The following NDE1 variants were observed in gnomAD, a reference collection of about 807,000 sequenced individuals.
NDE1 encodes nuclear distribution protein nudE homolog 1.
Under a neutral mutation model 43.4 loss-of-function variants are expected in NDE1, and 28 were observed. The ratio of observed to expected loss-of-function variants is 0.65; its 90% CI spans 0.48 to 0.89. NDE1 has a LOEUF of 0.89. Ranked by LOEUF, NDE1 falls within the 40% of genes least tolerant of loss-of-function variation. The pLI, the probability that NDE1 is intolerant of heterozygous loss-of-function variation, is 0.00. For missense variants in NDE1, 441 were observed against 434.1 expected, an observed-to-expected ratio of 1.02 and a Z score of -0.14; for synonymous variants, 184 against 172.0, an observed-to-expected ratio of 1.07 and a Z score of -0.55.
intron 8 of NDE1, among the ~76,000 whole-genome samples, chr16:15,710,520 AAAAT>A (rs1275687894): frequency 6.6e-6 from 1 of 151,748 alleles, no homozygotes; most frequent in Non-Finnish European, 1.5e-5. Context: ...ACTCCGTCTA[AAAAT>A]AAATAATAAA....
At chr16:15,695,702 C>CT (rs2038978649) in intron 7 of NDE1, 1 of 985,152 alleles carries the variant, frequency 1.0e-6, no homozygotes, top group South Asian at 4.7e-5. Flanking sequence ...GTAGCTACAA[C>CT]TTAATAGAAG....
intron 8 of NDE1, 177 bp downstream of exon 8, chr16:15,697,037 CA>C: frequency 6.6e-7 from 1 of 1,522,380 alleles, no homozygotes; most frequent in Non-Finnish European, 8.8e-7. Flanking sequence ...GTGGCTTGAA[CA>C]AAGGGCTAGA....
At chr16:15,667,090 A>G (rs775960039) in intron 2 of NDE1, among the ~76,000 whole-genome samples, 196 bp from the exon 3 acceptor site, 2 of 152,114 alleles carry the variant, frequency 1.3e-5, no homozygotes, top group African/African-American at 4.8e-5. Context: ...TACTAAAAAT[A>G]CAAAAATTAG....
chr16:15,704,213 T>A, intron 8 of NDE1: 1 of 1,501,416 alleles, frequency 6.7e-7, no homozygotes, highest in Non-Finnish European at 9.1e-7. Context: ...CTTGTAGCTA[T>A]AGTCCTATTG....
At chr16:15,719,242 G>A (rs775007509) in intron 8 of NDE1, 22 of 1,613,636 alleles carry the variant, frequency 1.4e-5, no homozygotes, top group Non-Finnish European at 1.7e-5. Flanking sequence ...CTACTGGCCA[G>A]CTCCTCTGCC....
chr16:15,659,425 C>A (rs199594696), intron 1 of NDE1, among the ~76,000 whole-genome samples: 1 of 58,908 alleles, frequency 1.7e-5, no homozygotes, highest in East Asian at 5.0e-4. Flanking sequence ...TGCACACAAT[C>A]TTTTTTTTTT....
chr16:15,675,245 C>G (rs1046754464), intron 3 of NDE1, among the ~76,000 whole-genome samples: 1 of 151,716 alleles, frequency 6.6e-6, no homozygotes, highest in Admixed American at 6.6e-5. Context: ...GTTGCCCAGG[C>G]TGGAGTGCAA....
chr16:15,675,540 A>G (rs1326515677), intron 3 of NDE1, among the ~76,000 whole-genome samples: 1 of 151,344 alleles, frequency 6.6e-6, no homozygotes, highest in Admixed American at 6.6e-5. Context: ...GGTCTCAGGC[A>G]GTCTTCTTGC....
chr16:15,701,667 G>A (rs1450595819), intron 8 of NDE1: 1 of 152,174 alleles, frequency 6.6e-6, no homozygotes, highest in Non-Finnish European at 1.5e-5. Flanking sequence ...TTTGGGACAC[G>A]AGTTAAAAGA....
At chr16:15,723,978 A>G (rs2151217430) in intron 8 of NDE1, among the ~76,000 whole-genome samples, 1 of 152,172 alleles carries the variant, frequency 6.6e-6, no homozygotes, top group Non-Finnish European at 1.5e-5. Flanking sequence ...TGCCATCCTT[A>G]CTGTGACCTG....
At chr16:15,701,935 T>G (rs1254237184) in intron 8 of NDE1, 1 of 152,232 alleles carries the variant, frequency 6.6e-6, no homozygotes, top group Admixed American at 6.5e-5. Flanking sequence ...GTTGGGCTTC[T>G]GGTCAAAGAG....
intron 3 of NDE1, among the ~76,000 whole-genome samples, chr16:15,675,444 GTTTTT>G (rs1449215950): frequency 7.1e-6 from 1 of 140,244 alleles, no homozygotes; most frequent in Non-Finnish European, 1.6e-5. Flanking sequence ...TTTTTTGCTT[GTTTTT>G]TTTAAGTGTC....
At chr16:15,674,145 A>G (rs1002609340) in intron 3 of NDE1, among the ~76,000 whole-genome samples, 13 of 152,048 alleles carry the variant, frequency 8.5e-5, no homozygotes, top group African/African-American at 3.1e-4. Flanking sequence ...AGTGCGCTGG[A>G]CTGTTTCTTT....
chr16:15,680,248 G>T (rs2151078347), intron 4 of NDE1, among the ~76,000 whole-genome samples: 1 of 152,242 alleles, frequency 6.6e-6, no homozygotes, highest in Middle Eastern at 3.4e-3. Context: ...TGCACGTGTG[G>T]TTTGGGGGAG....
intron 8 of NDE1, among the ~76,000 whole-genome samples, chr16:15,702,820 C>G (rs1454990855): frequency 6.6e-6 from 1 of 152,132 alleles, no homozygotes; most frequent in African/African-American, 2.4e-5. Context: ...TTTGATGAGT[C>G]AAGATGTTCT....
intron 6 of NDE1, among the ~76,000 whole-genome samples, chr16:15,692,877 G>A (rs1054162785): frequency 6.6e-6 from 1 of 150,942 alleles, no homozygotes; most frequent in African/African-American, 2.4e-5. Flanking sequence ...GCTGGGACTA[G>A]AGGCATGCAA....
At chr16:15,722,892 C>T (rs879893844) in intron 8 of NDE1, among the ~76,000 whole-genome samples, 9 of 152,012 alleles carry the variant, frequency 5.9e-5, no homozygotes, top group South Asian at 2.1e-4. Flanking sequence ...TACAGGCGTG[C>T]GCCACCACGC....
At chr16:15,704,220 A>G (rs2039331175) in intron 8 of NDE1, 1 of 1,445,412 alleles carries the variant, frequency 6.9e-7, no homozygotes, top group South Asian at 1.2e-5. Flanking sequence ...CTATAGTCCT[A>G]TTGCAATATA....
At chr16:15,688,961 G>C (rs1301491688) in intron 5 of NDE1, among the ~76,000 whole-genome samples, 2 of 151,938 alleles carry the variant, frequency 1.3e-5, no homozygotes, top group South Asian at 4.2e-4. Context: ...GCCTCCCAAA[G>C]TGCTGGGATT....
Sources: allele counts gnomAD v4.1 joint callset (sites outside exome capture counted in the v4.1 genomes callset), GRCh38; gene constraint gnomAD v4.1.1; transcripts MANE v1.5; gene names NCBI Gene and HGNC (gene_info 2026-07-23, HGNC 2026-07-21).